The following LDLRAD4 variants were observed in gnomAD, a reference collection of about 807,000 sequenced individuals.
The protein encoded by LDLRAD4 is low-density lipoprotein receptor class A domain-containing protein 4.
In LDLRAD4, 5 loss-of-function variants were observed where a neutral mutation model predicts 17.0. The ratio of observed to expected loss-of-function variants is 0.29; its 90% CI spans 0.15 to 0.62. The LOEUF (loss-of-function observed/expected upper bound fraction) is 0.62, where lower values mean the gene tolerates loss of function less well. Among genes scored for constraint, LDLRAD4 ranks in the 20% least tolerant of loss-of-function variants. The pLI, the probability that LDLRAD4 is intolerant of heterozygous loss-of-function variation, is 0.84. For missense variants in LDLRAD4, 340 were observed against 424.7 expected (o/e 0.80, Z 1.75); for synonymous variants, 168 against 171.8 (o/e 0.98, Z 0.17).
chr18:13,478,726 A>G (rs953227993), intron 3 of LDLRAD4, among the ~76,000 whole-genome samples: 7 of 152,214 alleles, frequency 4.6e-5, no homozygotes, highest in African/African-American at 1.2e-4. Flanking sequence ...GATTCAATGC[A>G]CTCCTCATAA....
intron 3 of LDLRAD4, among the ~76,000 whole-genome samples, chr18:13,553,355 T>C (rs542754548): frequency 2.0e-5 from 3 of 152,318 alleles, no homozygotes; most frequent in African/African-American, 7.2e-5. Flanking sequence ...AATTTGGGTG[T>C]CTAGACACTG....
At chr18:13,386,917 TAG>T (rs1568082601) in intron 1 of LDLRAD4, among the ~76,000 whole-genome samples, 2 of 47,722 alleles carry the variant, frequency 4.2e-5, no homozygotes, top group East Asian at 5.2e-4. Flanking sequence ...GATAGATAGA[TAG>T]ATAGATAGAT....
rs976104404 is a variant in LDLRAD4 at position 13,443,027 on chromosome 18, A to G, written c.181+4643A>G. On this transcript the variant is annotated intron_variant, in intron 3 of 5. Coordinates refer to ENST00000359446, the Ensembl canonical transcript of LDLRAD4. ...GGTTGGGAGGAAGCTGCTTCTCTCT[A>G]TATAGAGACCTCATCAAACTGACCC... Among the ~76,000 whole-genome samples, 3 of 152,300 alleles carry G rather than the reference A, an allele frequency of 2.0e-5. No individual in the cohort carries two copies. The East Asian group carries it at 5.8e-4, about 29-fold the overall frequency.
At chr18:13,262,150 G>A (rs2043873621) in intron 1 of LDLRAD4, among the ~76,000 whole-genome samples, 1 of 134,790 alleles carries the variant, frequency 7.4e-6, no homozygotes, top group Admixed American at 7.8e-5. Context: ...AGTCCCGTGC[G>A]GCTCTGTGCG....
intron 1 of LDLRAD4, chr18:13,280,223 G>C (rs1167131865): frequency 6.6e-6 from 1 of 152,262 alleles, no homozygotes; most frequent in Non-Finnish European, 1.5e-5. Context: ...TGGCGTTTGT[G>C]TGGGGAACTC....
At chr18:13,336,406 C>T (rs2082106577) in intron 1 of LDLRAD4, among the ~76,000 whole-genome samples, 1 of 152,136 alleles carries the variant, frequency 6.6e-6, no homozygotes, top group South Asian at 2.1e-4. Context: ...GTATTTAGGA[C>T]ATTTTTCTTG....
At chr18:13,474,198 G>C (rs1357359305) in intron 3 of LDLRAD4, among the ~76,000 whole-genome samples, 8 of 152,154 alleles carry the variant, frequency 5.3e-5, no homozygotes, top group Admixed American at 5.2e-4. Flanking sequence ...ACAGGCCCCT[G>C]CAGAACTGTG....
intron 4 of LDLRAD4, chr18:13,642,269 CCCGCCCGTTTCCGAGAATT>C (rs971880983): frequency 2.0e-6 from 2 of 987,766 alleles, no homozygotes; most frequent in Admixed American, 1.2e-4. Flanking sequence ...GATGGCCCAG[CCCGCCCGTTTCCGAGAATT>C]CCCCAAACGC....
intron 3 of LDLRAD4, among the ~76,000 whole-genome samples, chr18:13,557,667 T>C (rs1170193154): frequency 6.6e-6 from 1 of 152,274 alleles, no homozygotes; most frequent in Non-Finnish European, 1.5e-5. Context: ...CCCAAAGTAC[T>C]GTGATTACAG....
chr18:13,470,206 A>G (rs1033586639), intron 3 of LDLRAD4, among the ~76,000 whole-genome samples: 2 of 152,108 alleles, frequency 1.3e-5, no homozygotes, highest in African/African-American at 2.4e-5. Context: ...CAAATCTCCA[A>G]TAGAGGGCTG....
At chr18:13,421,439 C>T (rs1375716107) in intron 2 of LDLRAD4, among the ~76,000 whole-genome samples, 1 of 152,140 alleles carries the variant, frequency 6.6e-6, no homozygotes, top group Non-Finnish European at 1.5e-5. Flanking sequence ...CCAGCCCTCC[C>T]CCAGGTGACC....
chr18:13,227,672 C>G (rs2041879402), intron 1 of LDLRAD4, among the ~76,000 whole-genome samples: 1 of 152,186 alleles, frequency 6.6e-6, no homozygotes, highest in Non-Finnish European at 1.5e-5. Flanking sequence ...GGGACACTTA[C>G]AGTCATGGCG....
intron 2 of LDLRAD4, among the ~76,000 whole-genome samples, chr18:13,432,256 C>T (rs1315571230): frequency 1.3e-5 from 2 of 152,212 alleles, no homozygotes; most frequent in South Asian, 2.1e-4. Flanking sequence ...TCTGAAAACT[C>T]TCAAAGCTTT....
intron 2 of LDLRAD4, among the ~76,000 whole-genome samples, chr18:13,399,942 G>C (rs2087025366): frequency 6.6e-6 from 1 of 152,170 alleles, no homozygotes; most frequent in Non-Finnish European, 1.5e-5. Flanking sequence ...CAATTATTTT[G>C]CTGCATTTTA....
chr18:13,530,049 G>A (rs768570071), intron 3 of LDLRAD4, among the ~76,000 whole-genome samples: 9 of 152,116 alleles, frequency 5.9e-5, no homozygotes, highest in Non-Finnish European at 8.8e-5. Flanking sequence ...TGTCCTTAGA[G>A]GCCAAGTTAA....
intron 1 of LDLRAD4, among the ~76,000 whole-genome samples, chr18:13,357,968 A>G (rs906622929): frequency 6.6e-6 from 1 of 152,136 alleles, no homozygotes; most frequent in African/African-American, 2.4e-5. Flanking sequence ...AAACTATCCT[A>G]TCCCTGACCA....
intron 3 of LDLRAD4, among the ~76,000 whole-genome samples, chr18:13,583,005 C>T (rs1017775145): frequency 2.0e-5 from 3 of 152,120 alleles, no homozygotes; most frequent in Non-Finnish European, 2.9e-5. Context: ...GGTGAGCCAC[C>T]GCGTCTTGCT....
At chr18:13,590,293 G>A (rs1160363536) in intron 3 of LDLRAD4, among the ~76,000 whole-genome samples, 1 of 150,782 alleles carries the variant, frequency 6.6e-6, no homozygotes, top group African/African-American at 2.4e-5. Flanking sequence ...GTGTGGGGGA[G>A]ATAGGGGTGT....
intron 1 of LDLRAD4, among the ~76,000 whole-genome samples, chr18:13,232,031 G>A (rs2042103004): frequency 6.6e-6 from 1 of 152,228 alleles, no homozygotes; most frequent in Non-Finnish European, 1.5e-5. Flanking sequence ...GGGAGGTCAA[G>A]GGTATAGCAC....
Sources: gnomAD v4.1 joint callset for allele counts (sites outside exome capture counted in the v4.1 genomes callset) on GRCh38, gnomAD v4.1.1 for gene constraint, MANE v1.5 for transcripts, NCBI Gene and HGNC (gene_info 2026-07-23, HGNC 2026-07-21) for gene names.